The following QRFPR variants were observed in gnomAD, a reference collection of about 807,000 sequenced individuals.
QRFPR encodes the protein pyroglutamylated RFamide peptide receptor, also known as pyroglutamylated RF-amide peptide receptor.
QRFPR carries 37 observed loss-of-function variants against 31.3 expected under a neutral mutation model. The observed-to-expected ratio is 1.18, with a 90% CI of 0.91 to 1.56. The LOEUF is 1.56. Ranked by LOEUF, QRFPR falls within the 40% of genes most tolerant of loss-of-function variation. The probability of loss-of-function intolerance (pLI) is 0.00; values close to 1 mark genes in which losing one functional copy is unlikely to be tolerated. For synonymous variants in QRFPR, 197 were observed against 192.0 expected, an observed-to-expected ratio of 1.03 and a Z score of -0.22; for missense variants, 542 against 532.5, an observed-to-expected ratio of 1.02 and a Z score of -0.18.
At position 121,331,372 on chromosome 4, in the gene QRFPR, C is replaced by T. The variant is rs559182922; in HGVS notation, c.798-849G>A. On this transcript the variant is annotated intron_variant, in intron 4 of 5. Transcript: ENST00000394427. Reference sequence around the variant, plus strand: ...CTAATTTTTAAATTTTTTGTAGAGACGGGGTCTCACTTTGTTGCCCAGGCT... The same window carrying T: ...CTAATTTTTAAATTTTTTGTAGAGATGGGGTCTCACTTTGTTGCCCAGGCT... Among the ~76,000 whole-genome samples the T allele has an allele frequency of 3.2e-4, 48 of 150,698 alleles. 1 individual carries two copies. The highest frequency in any genetic ancestry group is 9.2e-4 in the African/African-American group (38 of 41,178).
chr4:121,369,465 G>T, intron 1 of QRFPR: 7 of 1,055,756 alleles, frequency 6.6e-6, no homozygotes, highest in Non-Finnish European at 9.9e-6. Flanking sequence ...TTCAAGTCAC[G>T]GGGTTTGAGA....
chr4:121,329,259 A>G lies in QRFPR; in HGVS notation c.*55T>C, dbSNP rs548558677. On this transcript the variant is annotated 3_prime_UTR_variant, in exon 6 of 6. Coordinates refer to ENST00000394427, the MANE Select transcript of QRFPR (RefSeq NM_198179.3). ...GAGTATTTGACCTTTGCTCAAAATA[A>G]TTTTCTCTTTGGGTTACAATCTGAA... 1.5e-5 allele frequency: 20 copies of G among 1,346,656 alleles called. No homozygotes were observed. The Admixed American group carries it at 3.2e-4, about 21-fold the overall frequency. 83.4% of individuals were successfully genotyped at this position (1,346,656 alleles called of 1,614,324 possible).
At chr4:121,334,017 A>G (rs919090002) in intron 3 of QRFPR, among the ~76,000 whole-genome samples, 4 of 152,208 alleles carry the variant, frequency 2.6e-5, no homozygotes, top group Non-Finnish European at 5.9e-5. Flanking sequence ...GGTGTTACTT[A>G]CAGATGCAAC....
In QRFPR at chr4:121,380,455, G is replaced by A; in HGVS notation, c.193C>T (p.Leu65=). The change falls in exon 1 of 6, where the codon CTG becomes TTG. Residue 65 remains leucine (L), a synonymous_variant. Transcript: ENST00000394427. ...CTGCGGGTCACCACGTAGAACACCAGAGCATTGCCAAAGAGCGCCAGGGCG... is the reference window on the plus strand; with the variant it reads ...CTGCGGGTCACCACGTAGAACACCAAAGCATTGCCAAAGAGCGCCAGGGCG... ...IFALALFGNA[L]VFYVVTRSKA... is the part of the protein sequence containing the mutation. 1 of 1,614,242 alleles carries A rather than the reference G, an allele frequency of 6.2e-7. No homozygotes were observed. Among genetic ancestry groups the A allele is most frequent in the East Asian group, 2.2e-5 (1 of 44,874 alleles).
intron 1 of QRFPR, among the ~76,000 whole-genome samples, chr4:121,362,098 T>G (rs10433907): frequency 1.3e-5 from 2 of 149,834 alleles, no homozygotes; most frequent in Non-Finnish European, 3.0e-5. Flanking sequence ...GTGAAAGCCA[T>G]GCAGAGCCCA....
chr4:121,352,070 A>G (rs1348234563), intron 1 of QRFPR, among the ~76,000 whole-genome samples: 1 of 152,080 alleles, frequency 6.6e-6, no homozygotes, highest in African/African-American at 2.4e-5. Context: ...TAATGCACTG[A>G]TGTGATCATC....
intron 1 of QRFPR, among the ~76,000 whole-genome samples, chr4:121,344,975 C>CT (rs1725616843): frequency 6.6e-6 from 1 of 152,198 alleles, no homozygotes; most frequent in Non-Finnish European, 1.5e-5. Context: ...ATATCCTTCT[C>CT]TTTTTTCCTT....
chr4:121,329,830 T>C (rs1725288013), intron 5 of QRFPR, 116 bp from the exon 6 acceptor site: 1 of 781,624 alleles, frequency 1.3e-6, no homozygotes, highest in African/African-American at 1.8e-5. Context: ...GTGTGAAAAG[T>C]TCTCAAGATC....
At chr4:121,347,583 T>C (rs2110473137) in intron 1 of QRFPR, among the ~76,000 whole-genome samples, 1 of 152,282 alleles carries the variant, frequency 6.6e-6, no homozygotes, top group African/African-American at 2.4e-5. Flanking sequence ...ACGCTTAAAG[T>C]AATATATTAA....
intron 1 of QRFPR, among the ~76,000 whole-genome samples, chr4:121,377,914 A>G (rs764715067): frequency 2.6e-5 from 4 of 152,152 alleles, no homozygotes; most frequent in Non-Finnish European, 5.9e-5. Flanking sequence ...TTTATCAAGG[A>G]AATTTTGCCA....
chr4:121,335,278 T>C (rs1480497457), intron 3 of QRFPR, among the ~76,000 whole-genome samples: 1 of 152,120 alleles, frequency 6.6e-6, no homozygotes, highest in Non-Finnish European at 1.5e-5. Flanking sequence ...TTGTTTTCTA[T>C]GGGCTAGAAA....
At chr4:121,377,060 G>C (rs7688947) in intron 1 of QRFPR, among the ~76,000 whole-genome samples, 27,928 of 152,264 alleles carry the variant, frequency 0.18, 3,085 homozygotes, top group Non-Finnish European at 0.25. Flanking sequence ...GTAGAGATGT[G>C]ACAAACTGGA....
At chr4:121,345,856 T>C (rs1411962875) in intron 1 of QRFPR, among the ~76,000 whole-genome samples, 2 of 152,190 alleles carry the variant, frequency 1.3e-5, no homozygotes, top group East Asian at 1.9e-4. Flanking sequence ...TTTCTAAACA[T>C]GATGCTTGAA....
chr4:121,345,048 T>C (rs555020102), intron 1 of QRFPR, among the ~76,000 whole-genome samples: 1 of 152,324 alleles, frequency 6.6e-6, no homozygotes, highest in East Asian at 1.9e-4. Flanking sequence ...AATGTGTATT[T>C]CTCATATTTT....
At position 121,332,960 on chromosome 4, in the gene QRFPR, C is replaced by T; in HGVS notation, c.658G>A (p.Val220Ile). Residue 220 changes from valine to isoleucine, a missense_variant, in exon 4 of 6, where the codon GTC becomes ATC. By Grantham distance (29) the Val-to-Ile change is conservative. Coordinates refer to ENST00000394427, the MANE Select transcript of QRFPR (RefSeq NM_198179.3). Reference protein sequence around the residue: ...HQKIYTTFILVILFLLPLMVM... With the variant: ...HQKIYTTFILIILFLLPLMVM... ...ATAAGAGGCAGGAGGAAGAGGATGA[C>T]AAGGATGAAGGTGGTGTAGATCTTC... 6.2e-7 allele frequency: 1 copy of T among 1,614,018 alleles called. No individual in the cohort carries two copies. Among genetic ancestry groups the T allele is most frequent in the Middle Eastern group, 1.6e-4 (1 of 6,062 alleles).
chr4:121,359,044 T>A (rs891590079), intron 1 of QRFPR, among the ~76,000 whole-genome samples: 5 of 152,202 alleles, frequency 3.3e-5, no homozygotes, highest in Non-Finnish European at 5.9e-5. Flanking sequence ...TCTGTGTTTG[T>A]AACCACTATG....
At chr4:121,380,185 A>AGGAGAGAGAGAGAGAG in intron 1 of QRFPR, 123 bp downstream of exon 1, 3 of 366,162 alleles carry the variant, frequency 8.2e-6, no homozygotes, top group Non-Finnish European at 9.5e-6. Context: ...CAGACGAGAG[A>AGGAGAGAGAGAGAGAG]GGAGAGAGAG....
At position 121,329,373 on chromosome 4, in the gene QRFPR, G is replaced by A. The variant is rs777103047; in HGVS notation, c.1237C>T (p.His413Tyr). 4.3e-6 allele frequency: 7 copies of A among 1,614,094 alleles called. No homozygotes were observed. Among genetic ancestry groups the A allele is most frequent in the Non-Finnish European group, 5.9e-6 (7 of 1,179,978 alleles). Residue 413 changes from histidine to tyrosine, a missense_variant, in exon 6 of 6, where the codon CAT becomes TAT. His to Tyr is a moderately conservative substitution (Grantham distance 83). Coordinates refer to ENST00000394427, the MANE Select transcript of QRFPR (RefSeq NM_198179.3). ...AGTTCAGACCTAAAGAGAGCAAGATGTCGTTTGAGCTTTTTCTTCTCCTCT... is the reference window on the plus strand; with the variant it reads ...AGTTCAGACCTAAAGAGAGCAAGATATCGTTTGAGCTTTTTCTTCTCCTCT... ...QTEEKKKLKR[H>Y]LALFRSELAE... is the part of the protein sequence containing the mutation.
chr4:121,365,744 CTT>C (rs1267665558), intron 1 of QRFPR, among the ~76,000 whole-genome samples: 2 of 121,666 alleles, frequency 1.6e-5, no homozygotes, highest in Non-Finnish European at 3.3e-5. Context: ...CATATTGACA[CTT>C]AGATTTTGAT....
Sources: allele counts gnomAD v4.1 joint callset (sites outside exome capture counted in the v4.1 genomes callset), GRCh38; gene constraint gnomAD v4.1.1; transcripts MANE v1.5; gene names NCBI Gene and HGNC (gene_info 2026-07-23, HGNC 2026-07-21).